Variants in RBFOX1 observed in about 807,000 individuals in gnomAD.
RBFOX1 encodes RNA binding fox-1 homolog 1.
A neutral mutation model predicts 57.7 loss-of-function variants in RBFOX1; 8 were observed. The ratio of observed to expected loss-of-function variants is 0.14; its 90% CI spans 0.08 to 0.25. The LOEUF is 0.25. Ranked by LOEUF, RBFOX1 falls within the 10% of genes least tolerant of loss-of-function variation. The pLI, the probability that RBFOX1 is intolerant of heterozygous loss-of-function variation, is 1.00. For synonymous variants in RBFOX1, 326 were observed against 222.4 expected, an observed-to-expected ratio of 1.47 and a Z score of -4.15; for missense variants, 611 against 548.5, an observed-to-expected ratio of 1.11 and a Z score of -1.14.
chr16:5,950,094 C>A (rs1158372881), intron 4 of RBFOX1, among the ~76,000 whole-genome samples: 1 of 152,228 alleles, frequency 6.6e-6, no homozygotes, highest in Non-Finnish European at 1.5e-5. Flanking sequence ...GCAGTGTCCT[C>A]CAGTCTTCTG....
At chr16:6,496,069 T>G (rs778996234) in intron 2 of RBFOX1, among the ~76,000 whole-genome samples, 18 of 152,348 alleles carry the variant, frequency 1.2e-4, no homozygotes, top group Non-Finnish European at 1.8e-4. Context: ...ATGGAAAGAT[T>G]CCATGAAATG....
chr16:7,259,458 A>G, intron 4 of RBFOX1, among the ~76,000 whole-genome samples: 1 of 152,124 alleles, frequency 6.6e-6, no homozygotes, highest in Non-Finnish European at 1.5e-5. Flanking sequence ...CATTGCATAA[A>G]ATATTGCAGC....
rs370977389 is a variant in RBFOX1, at chr16:5,766,758, CA to C, written c.319-100544del. On this transcript the variant is annotated intron_variant, in intron 3 of 19. Coordinates refer to the RBFOX1 transcript ENST00000641259. ...AACATGAGATTTGGGTGGGGACAAA[CA>C]TCCAAACTGTATCAGAAGCTAAGGC... is the stretch of plus-strand genomic sequence containing the variant. 2.0e-4 allele frequency among the ~76,000 whole-genome samples: 30 copies of C among 152,274 alleles called. No individual in the cohort carries two copies. The East Asian group carries it at 5.2e-3, about 26-fold the overall frequency.
At chr16:7,198,569 C>A (rs962998680) in intron 4 of RBFOX1, among the ~76,000 whole-genome samples, 1 of 152,144 alleles carries the variant, frequency 6.6e-6, no homozygotes, top group Non-Finnish European at 1.5e-5. Flanking sequence ...GTATTTGGCT[C>A]ATGGGTTTGG....
At chr16:6,134,714 G>C (rs1235692029) in intron 1 of RBFOX1, among the ~76,000 whole-genome samples, 1 of 147,814 alleles carries the variant, frequency 6.8e-6, no homozygotes, top group Non-Finnish European at 1.5e-5. Context: ...GTCTCACTCT[G>C]TCACCCAGGC....
At chr16:7,695,521 C>T (rs1445104197) in intron 14 of RBFOX1, among the ~76,000 whole-genome samples, 3 of 152,052 alleles carry the variant, frequency 2.0e-5, no homozygotes, top group Admixed American at 1.3e-4. Context: ...GGTGTGGTGG[C>T]ACATGCCTGT....
chr16:7,097,545 T>C (rs1296280466), intron 4 of RBFOX1, among the ~76,000 whole-genome samples: 1 of 152,224 alleles, frequency 6.6e-6, no homozygotes, highest in Non-Finnish European at 1.5e-5. Context: ...ATCATTTCTT[T>C]CTAGGATTTT....
At chr16:5,453,802 C>T (rs117132888) in intron 1 of RBFOX1, among the ~76,000 whole-genome samples, 2,255 of 152,296 alleles carry the variant, frequency 0.015, 25 homozygotes, top group Non-Finnish European at 0.025. Flanking sequence ...TGACTACTTA[C>T]GTACGAGGGT....
In RBFOX1 at chr16:6,850,960, G is replaced by T. The variant is rs964038963; in HGVS notation, c.-16+196310G>T. ...AGCTTTATTTGTAATAATAGCTAAA[G>T]ACTGTAAATAGCCCGTATGTTTTCA... is the stretch of plus-strand genomic sequence containing the variant. On this transcript the variant is annotated intron_variant, in intron 3 of 15. Coordinates refer to ENST00000550418, the MANE Select transcript of RBFOX1 (RefSeq NM_018723.4). Among the ~76,000 whole-genome samples, 4 of 152,138 alleles carry T rather than the reference G, an allele frequency of 2.6e-5. No individual in the cohort carries two copies. In the East Asian group the frequency reaches 7.7e-4, roughly 29 times the overall value.
At chr16:7,212,848 AAAG>A (rs1165129992) in intron 4 of RBFOX1, among the ~76,000 whole-genome samples, 1 of 152,192 alleles carries the variant, frequency 6.6e-6, no homozygotes, top group African/African-American at 2.4e-5. Context: ...CAAAAAATAA[AAAG>A]AATAACTTAG....
rs543293579 is a variant in RBFOX1 at position 5,907,846 on chromosome 16, G to A, written c.351+40511G>A. On this transcript the variant is annotated intron_variant, in intron 4 of 19. Transcript: ENST00000641259. Reference sequence around the variant, plus strand: ...GCTCACTATAGCCTCTGCCTCCCAGGTTCAAGCAATTCTCCTGCCTCAGCC... The same window carrying A: ...GCTCACTATAGCCTCTGCCTCCCAGATTCAAGCAATTCTCCTGCCTCAGCC... Among the ~76,000 whole-genome samples the A allele has an allele frequency of 2.6e-5, 4 of 151,600 alleles. No homozygotes were observed. The South Asian group carries it at 8.3e-4, about 32-fold the overall frequency.
intron 2 of RBFOX1, among the ~76,000 whole-genome samples, chr16:6,403,010 T>C (rs1467028707): frequency 6.6e-6 from 1 of 152,162 alleles, no homozygotes; most frequent in East Asian, 1.9e-4. Flanking sequence ...TATTGTTTTG[T>C]TTGTTGATGT....
At chr16:5,450,715 G>A (rs564833233) in intron 1 of RBFOX1, among the ~76,000 whole-genome samples, 3 of 152,302 alleles carry the variant, frequency 2.0e-5, no homozygotes, top group South Asian at 4.1e-4. Context: ...GCTGGAATTC[G>A]GCTCTGATGC....
chr16:5,366,584 C>T (rs1452702147), intron 1 of RBFOX1: 1 of 385,340 alleles, frequency 2.6e-6, no homozygotes, highest in East Asian at 6.8e-5. Flanking sequence ...AAAGGTGATT[C>T]TTTTCCCAGA....
rs13333618 is a variant in RBFOX1 at position 7,488,400 on chromosome 16, T to C, written c.28-29747T>C. On this transcript the variant is annotated intron_variant, in intron 4 of 15. Transcript: ENST00000550418. ...ATGTACAGATATATATGGACCTCTA[T>C]ATCTATCTACTGTCTGCCTGTCTAT... Among the ~76,000 whole-genome samples the C allele has an allele frequency of 3.0e-3, 453 of 151,588 alleles. 4 individuals are homozygous for C. The highest frequency in any genetic ancestry group is 9.9e-3 in the African/African-American group (410 of 41,374).
At chr16:5,277,104 T>TAC (rs530862450) in intron 1 of RBFOX1, among the ~76,000 whole-genome samples, 69 of 152,254 alleles carry the variant, frequency 4.5e-4, no homozygotes, top group Admixed American at 3.3e-3. Context: ...TATATATATA[T>TAC]ACCATAGAAT....
At chr16:6,362,745 T>C (rs1230270701) in intron 2 of RBFOX1, among the ~76,000 whole-genome samples, 1 of 152,218 alleles carries the variant, frequency 6.6e-6, no homozygotes, top group Non-Finnish European at 1.5e-5. Context: ...CAGTGGCCTG[T>C]GGGGAGATGG....
chr16:6,878,504 A>G (rs1180156135), intron 3 of RBFOX1, among the ~76,000 whole-genome samples: 1 of 152,204 alleles, frequency 6.6e-6, no homozygotes, highest in Non-Finnish European at 1.5e-5. Flanking sequence ...ATGAGCAAGA[A>G]ATAAACTTTT....
chr16:5,583,597 G>C (rs1158731025), intron 2 of RBFOX1, among the ~76,000 whole-genome samples: 2 of 152,096 alleles, frequency 1.3e-5, no homozygotes, highest in African/African-American at 2.4e-5. Flanking sequence ...TCTTTTCTTT[G>C]CTCGATTAAA....
Sources: gnomAD v4.1 joint callset for allele counts (sites outside exome capture counted in the v4.1 genomes callset) on GRCh38, gnomAD v4.1.1 for gene constraint, MANE v1.5 for transcripts, NCBI Gene and HGNC (gene_info 2026-07-23, HGNC 2026-07-21) for gene names.